The following CNTN6 variants were observed in gnomAD, a reference collection of about 807,000 sequenced individuals.
CNTN6 encodes the protein contactin-6.
CNTN6 carries 137 observed loss-of-function variants against 122.8 expected under a neutral mutation model. The observed-to-expected ratio is 1.12, with a 90% CI of 0.97 to 1.29. The LOEUF is 1.29. Ranked by LOEUF, CNTN6 falls within the 50% of genes most tolerant of loss-of-function variation. CNTN6 has a pLI of 0.00. For synonymous variants in CNTN6, 570 were observed against 426.0 expected, an observed-to-expected ratio of 1.34 and a Z score of -4.16; for missense variants, 1,634 against 1,223.4, an observed-to-expected ratio of 1.34 and a Z score of -5.01.
intron 6 of CNTN6, among the ~76,000 whole-genome samples, chr3:1,297,385 C>T (rs1309122729): frequency 1.3e-5 from 2 of 152,130 alleles, no homozygotes; most frequent in Non-Finnish European, 2.9e-5. Context: ...GTTATACCAT[C>T]ATCTTATCTT....
intron 2 of CNTN6, among the ~76,000 whole-genome samples, chr3:1,207,221 G>A (rs376349672): frequency 2.0e-5 from 3 of 151,866 alleles, no homozygotes; most frequent in East Asian, 3.9e-4. Flanking sequence ...TCTCTCCCCA[G>A]AAAATGGAAA....
intron 20 of CNTN6, among the ~76,000 whole-genome samples, chr3:1,393,555 T>TAAAAA (rs572632140): frequency 9.3e-6 from 1 of 107,926 alleles, no homozygotes; most frequent in Non-Finnish European, 2.0e-5. Flanking sequence ...CTTAAAGAAG[T>TAAAAA]AAAAAAAAAA....
intron 2 of CNTN6, among the ~76,000 whole-genome samples, chr3:1,187,611 T>C (rs947671841): frequency 1.3e-5 from 2 of 152,204 alleles, no homozygotes; most frequent in Non-Finnish European, 2.9e-5. Context: ...TGGGGTGGTC[T>C]GAAGTGTCAC....
intron 3 of CNTN6, 35 bp from the exon 4 acceptor site, chr3:1,227,783 A>G (rs754954487): frequency 1.2e-6 from 2 of 1,601,762 alleles, no homozygotes; most frequent in South Asian, 1.1e-5. Flanking sequence ...TTGACTCTGT[A>G]TATTATAAGC....
At chr3:1,157,224 T>TATTTATTTA (rs1559417574) in intron 2 of CNTN6, among the ~76,000 whole-genome samples, 12 of 145,022 alleles carry the variant, frequency 8.3e-5, no homozygotes, top group African/African-American at 2.6e-4. Context: ...TTATTTAATT[T>TATTTATTTA]ATTTATTTAT....
At chr3:1,300,119 G>A (rs1202782915) in intron 7 of CNTN6, among the ~76,000 whole-genome samples, 1 of 152,012 alleles carries the variant, frequency 6.6e-6, no homozygotes, top group Admixed American at 6.6e-5. Context: ...TGGGACTACA[G>A]GTGCCCGCCA....
chr3:1,093,463 C>G (rs756564107), intron 1 of CNTN6, among the ~76,000 whole-genome samples: 5 of 151,382 alleles, frequency 3.3e-5, no homozygotes, highest in Non-Finnish European at 7.4e-5. Context: ...CTGGGACTTT[C>G]AGATGGCTAC....
chr3:1,273,788 T>C (rs1258972787), intron 4 of CNTN6, among the ~76,000 whole-genome samples: 1 of 152,194 alleles, frequency 6.6e-6, no homozygotes, highest in Non-Finnish European at 1.5e-5. Context: ...ATTGTAATCA[T>C]AAAAGGCACA....
intron 2 of CNTN6, among the ~76,000 whole-genome samples, chr3:1,214,071 A>G (rs565454232): frequency 1.3e-5 from 2 of 152,066 alleles, no homozygotes; most frequent in East Asian, 1.9e-4. Flanking sequence ...ATTCTGTTCT[A>G]TAACTAAAAC....
chr3:1,262,443 A>C (rs3772329), intron 4 of CNTN6, among the ~76,000 whole-genome samples: 1 of 152,006 alleles, frequency 6.6e-6, no homozygotes, highest in Non-Finnish European at 1.5e-5. Context: ...AGGTGTGGCA[A>C]GTGTCCTTCC....
chr3:1,259,339 CT>C (rs1282128898), intron 4 of CNTN6, among the ~76,000 whole-genome samples: 1 of 152,088 alleles, frequency 6.6e-6, no homozygotes, highest in Non-Finnish European at 1.5e-5. Flanking sequence ...TCTAACCACT[CT>C]GCCATAATGC....
intron 2 of CNTN6, among the ~76,000 whole-genome samples, chr3:1,215,351 T>G (rs1172570545): frequency 6.6e-6 from 1 of 152,220 alleles, no homozygotes; most frequent in Non-Finnish European, 1.5e-5. Flanking sequence ...TCTGTGCTTT[T>G]TTCACATTAT....
intron 4 of CNTN6, among the ~76,000 whole-genome samples, chr3:1,278,184 G>C (rs1407938168): frequency 6.6e-6 from 1 of 152,166 alleles, no homozygotes; most frequent in African/African-American, 2.4e-5. Flanking sequence ...CAAACAGATA[G>C]TGAGTATTGT....
At chr3:1,340,066 T>C (rs1229477786) in intron 11 of CNTN6, among the ~76,000 whole-genome samples, 1 of 152,152 alleles carries the variant, frequency 6.6e-6, no homozygotes, top group Non-Finnish European at 1.5e-5. Context: ...GAGGCATTTA[T>C]TCATATTTTT....
intron 17 of CNTN6, among the ~76,000 whole-genome samples, chr3:1,382,618 T>A (rs752983864): frequency 6.6e-6 from 1 of 152,220 alleles, no homozygotes; most frequent in African/African-American, 2.4e-5. Context: ...AAAATTCATA[T>A]CAAACCACAT....
intron 3 of CNTN6, among the ~76,000 whole-genome samples, chr3:1,224,799 T>A (rs1172742163): frequency 6.6e-6 from 1 of 152,114 alleles, no homozygotes; most frequent in Non-Finnish European, 1.5e-5. Context: ...AGGTTGGAGT[T>A]CAGTGATGCA....
chr3:1,175,432 G>A (rs983365158), intron 2 of CNTN6, among the ~76,000 whole-genome samples: 2 of 98,168 alleles, frequency 2.0e-5, no homozygotes, highest in Non-Finnish European at 4.0e-5. Flanking sequence ...GTGAGGTATG[G>A]GAGAAAACAC....
chr3:1,278,892 G>A (rs1692891734), intron 5 of CNTN6, among the ~76,000 whole-genome samples: 2 of 152,220 alleles, frequency 1.3e-5, no homozygotes. Context: ...TTAACTGTTT[G>A]TTTGTTTGTT....
At chr3:1,268,606 CA>C (rs71690299) in intron 4 of CNTN6, among the ~76,000 whole-genome samples, 5,270 of 99,478 alleles carry the variant, frequency 0.053, 306 homozygotes, top group African/African-American at 0.16. Context: ...GACTCCGTCT[CA>C]AAAAAAAAAA....
Sources: gnomAD v4.1 joint callset for allele counts (sites outside exome capture counted in the v4.1 genomes callset) on GRCh38, gnomAD v4.1.1 for gene constraint, MANE v1.5 for transcripts, NCBI Gene and HGNC (gene_info 2026-07-23, HGNC 2026-07-21) for gene names.